The following CCDC39 variants were observed in gnomAD, a reference collection of about 807,000 sequenced individuals.
CCDC39 encodes coiled-coil domain-containing protein 39.
Under a neutral mutation model 121.0 loss-of-function variants are expected in CCDC39, and 113 were observed. That is an observed-to-expected ratio of 0.93 (90% CI 0.80 to 1.09). The LOEUF is 1.09. Ranked by LOEUF, CCDC39 falls within the 50% of genes least tolerant of loss-of-function variation. CCDC39 has a pLI of 0.00. For synonymous variants in CCDC39, 349 were observed against 352.2 expected (o/e 0.99, Z 0.10); for missense variants, 1,063 against 1,074.7 (o/e 0.99, Z 0.15).
At chr3:180,641,061 T>C (rs560087662) in intron 13 of CCDC39, among the ~76,000 whole-genome samples, 32 of 152,050 alleles carry the variant, frequency 2.1e-4, no homozygotes, top group Non-Finnish European at 3.7e-4. Flanking sequence ...TCTAGATGTA[T>C]GCAAAAGATA....
intron 14 of CCDC39, among the ~76,000 whole-genome samples, chr3:180,622,613 G>A (rs965872549): frequency 4.6e-5 from 7 of 151,930 alleles, no homozygotes; most frequent in Admixed American, 2.0e-4. Context: ...GGAGGGTTTT[G>A]TCATGAAGGA....
chr3:180,632,741 C>T (rs1717730063), intron 13 of CCDC39, among the ~76,000 whole-genome samples: 4 of 152,098 alleles, frequency 2.6e-5, no homozygotes, highest in East Asian at 1.9e-4. Flanking sequence ...AAAATAGACA[C>T]ACACGGAAGA....
intron 1 of CCDC39, among the ~76,000 whole-genome samples, chr3:180,676,765 G>C (rs566792748): frequency 6.6e-6 from 1 of 152,072 alleles, no homozygotes; most frequent in Non-Finnish European, 1.5e-5. Context: ...TGATAGACTG[G>C]ATTAAGAAAA....
In CCDC39 at chr3:180,652,245, C is replaced by T; in HGVS notation, c.952G>A (p.Val318Met). ...KGELDSLKAT[V>M]NRTSSDLEAL... ...TCTAAATCACTGGAAGTTCTATTCACAGTGGCTTTTAAAGAATCCAGCTAT... is the reference window on the plus strand; with the variant it reads ...TCTAAATCACTGGAAGTTCTATTCATAGTGGCTTTTAAAGAATCCAGCTAT... The change falls in exon 8 of 20, where the codon GTG becomes ATG. Residue 318 changes from valine (V) to methionine (M), a missense_variant. Coordinates refer to ENST00000476379, the MANE Select transcript of CCDC39 (RefSeq NM_181426.2). 2 of 1,529,934 alleles carry T rather than the reference C, an allele frequency of 1.3e-6. No individual in the cohort carries two copies. Among genetic ancestry groups the T allele is most frequent in the Non-Finnish European group, 1.8e-6 (2 of 1,137,706 alleles). The allele number at this position is 1,529,934 out of a possible 1,614,324, so 94.8% of individuals were successfully genotyped here.
chr3:180,647,283 A>T, intron 10 of CCDC39, 40 bp from the exon 11 acceptor site: 13 of 1,493,866 alleles, frequency 8.7e-6, no homozygotes, highest in Non-Finnish European at 1.2e-5. Context: ...ACAAAGAAAA[A>T]AAAAGCATTT....
At chr3:180,635,950 T>C (rs962901741) in intron 13 of CCDC39, among the ~76,000 whole-genome samples, 27 of 152,178 alleles carry the variant, frequency 1.8e-4, no homozygotes, top group African/African-American at 6.5e-4. Flanking sequence ...TGAAGGAACA[T>C]ACCTCAAAAT....
chr3:180,624,451 T>G (rs1324654245), intron 14 of CCDC39, among the ~76,000 whole-genome samples: 2 of 152,230 alleles, frequency 1.3e-5, no homozygotes, highest in Admixed American at 1.3e-4. Flanking sequence ...TGTCATATTT[T>G]CAACTGTTAC....
At chr3:180,676,088 G>A (rs1319264644) in intron 1 of CCDC39, among the ~76,000 whole-genome samples, 2 of 152,068 alleles carry the variant, frequency 1.3e-5, no homozygotes, top group Non-Finnish European at 2.9e-5. Context: ...GCATGGGCAA[G>A]GACTTCATGT....
intron 8 of CCDC39, among the ~76,000 whole-genome samples, chr3:180,651,772 T>C (rs934588136): frequency 2.6e-5 from 4 of 152,190 alleles, no homozygotes; most frequent in Non-Finnish European, 4.4e-5. Flanking sequence ...GCGCGGTGGC[T>C]CACGCCTGTA....
intron 10 of CCDC39, 77 bp downstream of exon 10, chr3:180,648,088 T>C: frequency 8.4e-7 from 1 of 1,194,852 alleles, no homozygotes; most frequent in Middle Eastern, 2.7e-4. Flanking sequence ...TTCTTTGTTT[T>C]CTTAGAACAT....
chr3:180,656,586 C>T (rs1266319664), intron 6 of CCDC39, among the ~76,000 whole-genome samples: 1 of 152,114 alleles, frequency 6.6e-6, no homozygotes, highest in East Asian at 1.9e-4. Context: ...AGAGGAGCAG[C>T]GTTAACATAA....
At chr3:180,678,943 G>GT (rs1323349088) in intron 1 of CCDC39, among the ~76,000 whole-genome samples, 1 of 152,070 alleles carries the variant, frequency 6.6e-6, no homozygotes, top group African/African-American at 2.4e-5. Flanking sequence ...TCTTTTCCAA[G>GT]TAGCTCTTTA....
At chr3:180,620,075 A>T in intron 14 of CCDC39, 105 bp from the exon 15 acceptor site, 1 of 823,584 alleles carries the variant, frequency 1.2e-6, no homozygotes, top group Middle Eastern at 2.4e-4. Flanking sequence ...TGACAATAAC[A>T]GTTTATCTCA....
chr3:180,653,693 C>G (rs1711518884), intron 7 of CCDC39, among the ~76,000 whole-genome samples: 1 of 152,096 alleles, frequency 6.6e-6, no homozygotes, highest in African/African-American at 2.4e-5. Context: ...AAAATTGTAT[C>G]ACAAAGCTAA....
chr3:180,616,128 A>G (rs1717226786), intron 19 of CCDC39, among the ~76,000 whole-genome samples, 153 bp downstream of exon 19: 1 of 152,206 alleles, frequency 6.6e-6, no homozygotes, highest in Non-Finnish European at 1.5e-5. Flanking sequence ...TCTAATCTAT[A>G]TGATGCTGAC....
chr3:180,675,336 T>C (rs1277404787), intron 1 of CCDC39, among the ~76,000 whole-genome samples: 1 of 152,202 alleles, frequency 6.6e-6, no homozygotes, highest in African/African-American at 2.4e-5. Context: ...ATCCTCTTTA[T>C]CATTTTTTAT....
intron 13 of CCDC39, among the ~76,000 whole-genome samples, chr3:180,634,472 G>T (rs1332413733): frequency 6.6e-6 from 1 of 152,132 alleles, no homozygotes. Flanking sequence ...TTCAGTGATT[G>T]CTGACCTGCA....
intron 1 of CCDC39, among the ~76,000 whole-genome samples, chr3:180,670,315 GTGT>G (rs1712004153): frequency 7.3e-6 from 1 of 137,046 alleles, no homozygotes; most frequent in South Asian, 2.1e-4. Flanking sequence ...TGGAAGGGGT[GTGT>G]GTGTGTGTGT....
At chr3:180,663,801 T>C in intron 2 of CCDC39, 66 bp downstream of exon 2, 1 of 1,491,062 alleles carries the variant, frequency 6.7e-7, no homozygotes, top group Non-Finnish European at 9.2e-7. Flanking sequence ...AAATCGCAGA[T>C]GTAAATATAC....
Sources: allele counts gnomAD v4.1 joint callset (sites outside exome capture counted in the v4.1 genomes callset), GRCh38; gene constraint gnomAD v4.1.1; transcripts MANE v1.5; gene names NCBI Gene and HGNC (gene_info 2026-07-23, HGNC 2026-07-21).